The following HIVEP3 variants were observed in gnomAD, a reference collection of about 807,000 sequenced individuals.
HIVEP3 encodes the protein transcription factor HIVEP3.
Under a neutral mutation model 152.8 loss-of-function variants are expected in HIVEP3, and 49 were observed. The ratio of observed to expected loss-of-function variants is 0.32; its 90% confidence interval spans 0.26 to 0.41. The LOEUF (loss-of-function observed/expected upper bound fraction) is 0.41, where lower values mean the gene tolerates loss of function less well. Ranked by LOEUF, HIVEP3 falls within the 10% of genes least tolerant of loss-of-function variation. The pLI is 1.00. For missense variants in HIVEP3, 2,790 were observed against 3,103.3 expected (o/e 0.90, Z 2.40); for synonymous variants, 1,269 against 1,289.0 (o/e 0.98, Z 0.33).
intron 1 of HIVEP3, among the ~76,000 whole-genome samples, chr1:41,952,124 T>G (rs937343631): frequency 6.6e-6 from 1 of 152,148 alleles, no homozygotes; most frequent in Admixed American, 6.5e-5. Context: ...AGATACATTC[T>G]CTCTAGCTCA....
At position 41,581,307 on chromosome 1, in the gene HIVEP3, GAGA is replaced by G. The variant is rs779879328; in HGVS notation, c.3488_3490del (p.Phe1163del). 2 of 1,613,232 alleles carry G rather than the reference GAGA, an allele frequency of 1.2e-6. No individual in the cohort carries two copies. Among genetic ancestry groups the G allele is most frequent in the East Asian group, 4.5e-5 (2 of 44,866 alleles). On this transcript the variant is annotated inframe_deletion, in exon 4 of 9. Transcript: ENST00000372583. This position sits in a 1 kb window ranked among gnomAD's most constrained non-coding sequence, Gnocchi z 4.5. Reference sequence around the variant, plus strand: ...CAGGAGGCTGGACATGGCCTGGGTGGAGAAGAATTCTGGAGACTGTCCTGGCTC... The same window carrying G: ...CAGGAGGCTGGACATGGCCTGGGTGGAGAATTCTGGAGACTGTCCTGGCTC...
intron 2 of HIVEP3, among the ~76,000 whole-genome samples, chr1:41,670,471 G>A (rs1645857684): frequency 6.6e-6 from 1 of 152,162 alleles, no homozygotes; most frequent in Non-Finnish European, 1.5e-5. Context: ...CTATTGGCTG[G>A]GCCCTGTTCT....
intron 2 of HIVEP3, among the ~76,000 whole-genome samples, chr1:41,630,854 A>C (rs1645184516): frequency 6.6e-6 from 1 of 152,218 alleles, no homozygotes; most frequent in African/African-American, 2.4e-5. Context: ...AGAGAAAACT[A>C]ATACAGCCTG....
chr1:41,896,529 A>T (rs1183213914), intron 1 of HIVEP3, among the ~76,000 whole-genome samples: 1 of 151,356 alleles, frequency 6.6e-6, no homozygotes, highest in East Asian at 1.9e-4. Context: ...CTCCTTTCCA[A>T]GTTCCTTGTA....
chr1:41,840,603 AATT>A (rs1161384177), intron 1 of HIVEP3, among the ~76,000 whole-genome samples: 2 of 152,198 alleles, frequency 1.3e-5, no homozygotes, highest in Non-Finnish European at 2.9e-5. Flanking sequence ...AGCCACGAGA[AATT>A]AATACAGGAC....
At chr1:41,768,356 A>T (rs1648139408) in intron 1 of HIVEP3, among the ~76,000 whole-genome samples, 1 of 152,234 alleles carries the variant, frequency 6.6e-6, no homozygotes, top group Non-Finnish European at 1.5e-5. Context: ...AGCAGGAGAA[A>T]GACCTGACCC....
chr1:41,652,657 A>G lies in HIVEP3; in HGVS notation c.-720-23710T>C, dbSNP rs187582413. 4.1e-3 allele frequency among the ~76,000 whole-genome samples: 628 copies of G among 152,350 alleles called. 2 individuals carry two copies. Among genetic ancestry groups the G allele is most frequent in the Non-Finnish European group, 7.1e-3 (480 of 68,024 alleles). ...CCTAGTGAGAAATCATCATCAAATC[A>G]GAGGGTGTCCCCACCTCACCGGCCA... On this transcript the variant is annotated intron_variant, in intron 2 of 8. Coordinates refer to ENST00000372583, the MANE Select transcript of HIVEP3 (RefSeq NM_024503.5).
intron 1 of HIVEP3, among the ~76,000 whole-genome samples, chr1:42,017,973 C>T (rs1252951387): frequency 1.3e-5 from 2 of 152,090 alleles, no homozygotes; most frequent in Non-Finnish European, 2.9e-5. Flanking sequence ...CATTCTGAAG[C>T]ATATGTAGAC....
At chr1:41,944,428 C>T (rs912378347) in intron 1 of HIVEP3, among the ~76,000 whole-genome samples, 5 of 152,158 alleles carry the variant, frequency 3.3e-5, no homozygotes, top group African/African-American at 7.2e-5. Context: ...AGGGAAGAGA[C>T]GGCTTTTTGC....
intron 1 of HIVEP3, among the ~76,000 whole-genome samples, chr1:41,749,283 G>A (rs918540668): frequency 1.3e-5 from 2 of 152,186 alleles, no homozygotes; most frequent in Non-Finnish European, 2.9e-5. Flanking sequence ...ATTTACCCAT[G>A]AGCCCCTCTC....
rs140424211 is a variant in HIVEP3, at chr1:41,739,081, G to A, written c.-800-38086C>T. 1.3e-3 allele frequency among the ~76,000 whole-genome samples: 201 copies of A among 152,366 alleles called. 1 individual carries two copies. Among genetic ancestry groups the A allele is most frequent in the African/African-American group, 4.5e-3 (187 of 41,584 alleles). ...TGCTTTTTGCGGAGGAAACAGAAAT[G>A]TCTGAAAATAGAACGTGAATCGATG... On this transcript the variant is annotated intron_variant, in intron 1 of 8. Transcript: ENST00000372583.
chr1:41,712,590 A>G (rs1646530257), intron 1 of HIVEP3, among the ~76,000 whole-genome samples: 1 of 152,198 alleles, frequency 6.6e-6, no homozygotes, highest in East Asian at 1.9e-4. Context: ...AGCACATGAG[A>G]TGCGCAGGAC....
chr1:41,565,611 T>A (rs1644150615), intron 5 of HIVEP3, among the ~76,000 whole-genome samples: 1 of 151,342 alleles, frequency 6.6e-6, no homozygotes, highest in Non-Finnish European at 1.5e-5. Context: ...AGAAGCTGCT[T>A]TACCCACAGG....
At chr1:41,872,967 C>T (rs774978222) in intron 1 of HIVEP3, among the ~76,000 whole-genome samples, 4 of 152,132 alleles carry the variant, frequency 2.6e-5, no homozygotes, top group Non-Finnish European at 5.9e-5. Flanking sequence ...TAGGAAAATG[C>T]CAGATTTATC....
At position 41,524,929 on chromosome 1, in the gene HIVEP3, A is replaced by C; in HGVS notation, c.5208-19T>G. On this transcript the variant is annotated intron_variant, in intron 5 of 8. Coordinates refer to ENST00000372583, the MANE Select transcript of HIVEP3 (RefSeq NM_024503.5). ...TTTGTACCTATGAGCAACAGGCGTC[A>C]TAGTAAAGGGAAAAAAAAGGAGAAG... 1 of 1,603,882 alleles carries C rather than the reference A, an allele frequency of 6.2e-7. No homozygotes were observed. Among genetic ancestry groups the C allele is most frequent in the Non-Finnish European group, 8.5e-7 (1 of 1,173,028 alleles).
intron 1 of HIVEP3, among the ~76,000 whole-genome samples, chr1:41,844,900 G>A (rs1027609434): frequency 6.6e-6 from 1 of 152,228 alleles, no homozygotes; most frequent in African/African-American, 2.4e-5. Context: ...TGGGTCCTGA[G>A]GGAGGCCAGC....
intron 1 of HIVEP3, among the ~76,000 whole-genome samples, chr1:41,831,795 T>C (rs147948483): frequency 6.6e-6 from 1 of 152,352 alleles, no homozygotes; most frequent in East Asian, 1.9e-4. Context: ...TCACCTGGCC[T>C]GGAGCAAGCA....
At chr1:41,596,203 T>A (rs1033494987) in intron 3 of HIVEP3, among the ~76,000 whole-genome samples, 1 of 152,154 alleles carries the variant, frequency 6.6e-6, no homozygotes, top group South Asian at 2.1e-4. Flanking sequence ...GCAGATCTTC[T>A]AACAGAGCTG....
intron 1 of HIVEP3, among the ~76,000 whole-genome samples, chr1:41,817,276 A>G (rs1642436037): frequency 6.6e-6 from 1 of 152,224 alleles, no homozygotes. Context: ...CTAGGTCAGG[A>G]CAAAGGTGAT....
Sources: gnomAD v4.1 joint callset for allele counts (sites outside exome capture counted in the v4.1 genomes callset) on GRCh38, gnomAD v4.1.1 for gene constraint, Gnocchi (gnomAD v3.1) non-coding constraint, MANE v1.5 for transcripts, NCBI Gene and HGNC (gene_info 2026-07-23, HGNC 2026-07-21) for gene names.